SDK1: variants seen among roughly 807,000 people sequenced by gnomAD.
SDK1 encodes the protein sidekick cell adhesion molecule 1, also known as protein sidekick-1.
A neutral mutation model predicts 245.5 loss-of-function variants in SDK1; 157 were observed. The ratio of observed to expected loss-of-function variants is 0.64; its 90% CI spans 0.56 to 0.73. The LOEUF is 0.73. Ranked by LOEUF, SDK1 falls within the 30% of genes least tolerant of loss-of-function variation. The probability of loss-of-function intolerance (pLI) is 0.00; values close to 1 mark genes in which losing one functional copy is unlikely to be tolerated. For missense variants in SDK1, 3,583 were observed against 3,002.3 expected (o/e 1.19, Z -4.52); for synonymous variants, 1,647 against 1,278.5 (o/e 1.29, Z -6.15).
chr7:4,157,821 G>C (rs565674492), intron 30 of SDK1, among the ~76,000 whole-genome samples: 1 of 152,218 alleles, frequency 6.6e-6, no homozygotes, highest in East Asian at 1.9e-4. Flanking sequence ...GCCTGGCACC[G>C]TGTCAGCCCC....
rs117282322 is a variant in SDK1 at position 4,145,046 on chromosome 7, G to A, written c.4229-676G>A. On this transcript the variant is annotated intron_variant, in intron 28 of 44. Coordinates refer to ENST00000404826, the MANE Select transcript of SDK1 (RefSeq NM_152744.4). The stretch of plus-strand genomic sequence containing the variant: ...AGAGGAGTGATCGTTAATAAGGAAC[G>A]TCTGGTCAACCCCAAGCCCCTCCCA... Among the ~76,000 whole-genome samples the A allele has an allele frequency of 3.4e-4, 52 of 152,276 alleles. 1 individual carries two copies. The East Asian group carries it at 8.9e-3, about 26-fold the overall frequency.
intron 1 of SDK1, among the ~76,000 whole-genome samples, chr7:3,414,943 C>T (rs1004898215): frequency 7.2e-5 from 11 of 152,214 alleles, no homozygotes; most frequent in East Asian, 3.9e-4. Context: ...TTTCCGTGCA[C>T]GGATATACCA....
chr7:3,849,508 A>G (rs1430411111), intron 5 of SDK1, among the ~76,000 whole-genome samples: 1 of 152,288 alleles, frequency 6.6e-6, no homozygotes, highest in Admixed American at 6.5e-5. Flanking sequence ...TTTTAAGGAA[A>G]ATTTGTTTAA....
chr7:4,023,950 A>T (rs1247879872), intron 17 of SDK1, among the ~76,000 whole-genome samples: 1 of 152,224 alleles, frequency 6.6e-6, no homozygotes. Context: ...CTCCTTCTAT[A>T]CATTTTTTGA....
At chr7:3,412,503 C>G (rs780963167) in intron 1 of SDK1, among the ~76,000 whole-genome samples, 1 of 152,086 alleles carries the variant, frequency 6.6e-6, no homozygotes, top group African/African-American at 2.4e-5. Context: ...GTGTTTATAC[C>G]ATAATTTATT....
chr7:3,509,594 C>T (rs1480742398), intron 1 of SDK1, among the ~76,000 whole-genome samples: 2 of 152,122 alleles, frequency 1.3e-5, no homozygotes, highest in African/African-American at 4.8e-5. Flanking sequence ...CTGAGTGTTA[C>T]GAAGTGTCCC....
intron 1 of SDK1, among the ~76,000 whole-genome samples, chr7:3,529,255 T>C (rs1562542312): frequency 6.6e-6 from 1 of 152,170 alleles, no homozygotes; most frequent in Non-Finnish European, 1.5e-5. Context: ...AGTCAATCAC[T>C]TATCAGCAGT....
At chr7:3,308,547 ACAGATAGT>A (rs1010044975) in intron 1 of SDK1, among the ~76,000 whole-genome samples, 24 of 144,604 alleles carry the variant, frequency 1.7e-4, no homozygotes, top group African/African-American at 4.8e-4. Flanking sequence ...TTTCTTGAAA[ACAGATAGT>A]CAGGTAAATC....
intron 25 of SDK1, among the ~76,000 whole-genome samples, chr7:4,116,145 G>A (rs933781373): frequency 2.6e-5 from 4 of 152,144 alleles, no homozygotes; most frequent in African/African-American, 4.8e-5. Flanking sequence ...AGGTGGTGCC[G>A]AGGTGGGAGG....
intron 19 of SDK1, among the ~76,000 whole-genome samples, chr7:4,066,297 G>A (rs936845214): frequency 3.3e-5 from 5 of 152,192 alleles, no homozygotes; most frequent in African/African-American, 1.2e-4. Context: ...GGCAGGCGGG[G>A]AAGCAGGGCC....
At chr7:3,672,641 A>G (rs1026298901) in intron 4 of SDK1, among the ~76,000 whole-genome samples, 2 of 140,162 alleles carry the variant, frequency 1.4e-5, no homozygotes, top group Admixed American at 1.5e-4. Context: ...TATATTAAAT[A>G]TATATTAAAT....
intron 22 of SDK1, among the ~76,000 whole-genome samples, chr7:4,091,094 T>C (rs1445504109): frequency 6.6e-6 from 1 of 152,104 alleles, no homozygotes; most frequent in South Asian, 2.1e-4. Context: ...GCCCTTAAAA[T>C]TTTTGCATAT....
chr7:4,051,738 A>T lies in SDK1; in HGVS notation c.2819A>T (p.Lys940Met). 1 of 1,614,034 alleles carries T rather than the reference A, an allele frequency of 6.2e-7. No homozygotes were observed. Among genetic ancestry groups the T allele is most frequent in the East Asian group, 2.2e-5 (1 of 44,872 alleles). Reference protein sequence around the residue: ...VHHGHITNLKKFTAYFTSVLC... With the variant: ...VHHGHITNLKMFTAYFTSVLC... ...CATGGACACATAACGAACCTGAAGA[A>T]GTTTACCGCCTACTTCACTTCCGTT... Residue 940 changes from lysine (K) to methionine (M), a missense_variant, in exon 19 of 45, where the codon AAG becomes ATG. Coordinates refer to ENST00000404826, the MANE Select transcript of SDK1 (RefSeq NM_152744.4).
At chr7:3,645,383 G>T (rs10245071) in intron 4 of SDK1, among the ~76,000 whole-genome samples, 1 of 151,872 alleles carries the variant, frequency 6.6e-6, no homozygotes, top group East Asian at 1.9e-4. Flanking sequence ...CTTTAGTTTC[G>T]TATTTTCCAC....
intron 1 of SDK1, among the ~76,000 whole-genome samples, chr7:3,456,115 C>G (rs935900852): frequency 1.3e-5 from 2 of 152,062 alleles, no homozygotes; most frequent in Non-Finnish European, 2.9e-5. Context: ...ATTGTTATTC[C>G]TCTATAAGTA....
intron 27 of SDK1, chr7:4,130,479 A>T: frequency 4.7e-6 from 1 of 211,166 alleles, no homozygotes; most frequent in African/African-American, 2.3e-5. Context: ...GACCCCAGGG[A>T]ATGCCTGAAA....
chr7:3,622,863 C>G (rs1457740581), intron 2 of SDK1, among the ~76,000 whole-genome samples: 2 of 151,834 alleles, frequency 1.3e-5, no homozygotes, highest in African/African-American at 4.8e-5. Context: ...GCCTCAGACA[C>G]TTAGATGGGT....
chr7:3,536,530 A>AC (rs1477377040), intron 1 of SDK1, among the ~76,000 whole-genome samples: 2 of 151,912 alleles, frequency 1.3e-5, no homozygotes. Context: ...ACAAAACAAA[A>AC]AAACCCCACA....
chr7:4,062,748 T>C (rs1429327140), intron 19 of SDK1, among the ~76,000 whole-genome samples: 1 of 152,104 alleles, frequency 6.6e-6, no homozygotes, highest in Admixed American at 6.6e-5. Flanking sequence ...GTCAGAAATA[T>C]AATACACCAT....
Sources: gnomAD v4.1 joint callset for allele counts (sites outside exome capture counted in the v4.1 genomes callset) on GRCh38, gnomAD v4.1.1 for gene constraint, MANE v1.5 for transcripts, NCBI Gene and HGNC (gene_info 2026-07-23, HGNC 2026-07-21) for gene names.